Variants in SPTBN4 observed in about 807,000 individuals in gnomAD.
SPTBN4 encodes the protein spectrin beta chain, non-erythrocytic 4.
A neutral mutation model predicts 277.8 loss-of-function variants in SPTBN4; 96 were observed. That is an observed-to-expected ratio of 0.35 (90% CI 0.29 to 0.41). The LOEUF (loss-of-function observed/expected upper bound fraction) is 0.41, where lower values mean the gene tolerates loss of function less well. SPTBN4 is among the 10% of genes least tolerant of loss of function. The probability of loss-of-function intolerance (pLI) is 1.00; values close to 1 mark genes in which losing one functional copy is unlikely to be tolerated. For missense variants in SPTBN4, 3,006 were observed against 3,595.7 expected (o/e 0.84, Z 4.19); for synonymous variants, 1,481 against 1,580.3 (o/e 0.94, Z 1.49).
chr19:40,529,032 C>T lies in SPTBN4; in HGVS notation c.3858-9C>T, dbSNP rs2080629129. 1 of 1,613,410 alleles carries T rather than the reference C, an allele frequency of 6.2e-7. No individual in the cohort carries two copies. The highest frequency in any genetic ancestry group is 8.5e-7 in the Non-Finnish European group (1 of 1,179,510). On this transcript the variant is annotated splice_polypyrimidine_tract_variant and intron_variant, in intron 17 of 35. Transcript: ENST00000598249. ...GGCCTTTCCCCAGCCCTTATCTCCC[C>T]ATCCCCAGGAACCAAGAAAACCAGT...
chr19:40,545,500 G>A (rs992463912), intron 20 of SPTBN4, among the ~76,000 whole-genome samples: 1 of 152,178 alleles, frequency 6.6e-6, no homozygotes, highest in African/African-American at 2.4e-5. Context: ...CTTCTAAAAA[G>A]GCTCTACCAA....
chr19:40,572,243 C>T (rs770889568), intron 34 of SPTBN4, 51 bp downstream of exon 34: 18 of 1,600,004 alleles, frequency 1.1e-5, no homozygotes, highest in Non-Finnish European at 1.5e-5. Context: ...AGCTTCAACT[C>T]CCAGTGGGAC....
rs757992918 is a variant in SPTBN4, at chr19:40,550,275, C to T, written c.4622C>T (p.Thr1541Ile). 6.2e-7 allele frequency: 1 copy of T among 1,613,114 alleles called. No homozygotes were observed. The highest frequency in any genetic ancestry group is 1.1e-5 in the South Asian group (1 of 91,068). Residue 1541 changes from threonine (T) to isoleucine (I), a missense_variant, in exon 22 of 36, where the codon ACA becomes ATA. Transcript: ENST00000598249. ...VQERLPLAMQ[T>I]ERGNGLQAVQ... ...GAGCGGCTGCCACTGGCCATGCAGA[C>T]AGAGCGAGGCAACGGTTTGCAGGCG...
intron 15 of SPTBN4, among the ~76,000 whole-genome samples, chr19:40,518,592 C>A (rs899758949): frequency 6.6e-5 from 10 of 151,908 alleles, no homozygotes; most frequent in Admixed American, 6.6e-4. Flanking sequence ...ACCCCCACGC[C>A]CAGCTAATTT....
chr19:40,570,614 C>T lies in SPTBN4; in HGVS notation c.7205C>T (p.Pro2402Leu), dbSNP rs970550719. The change falls in exon 33 of 36, where the codon CCG becomes CTG. Residue 2402 changes from proline (P) to leucine (L), a missense_variant. By Grantham distance (98) the Pro-to-Leu change is moderately conservative. This residue lies in a region of SPTBN4 where 630 missense variants were observed against 677.6 expected (regional missense o/e 0.93). Transcript: ENST00000598249. ...GGGSRRSRSA[P>L]AQGGSAPAPP... ...GGAAGCCGGCGCTCGCGCTCCGCCC[C>T]GGCCCAGGGCGGCTCCGCCCCCGCG... 15 of 1,420,388 alleles carry T rather than the reference C, an allele frequency of 1.1e-5. No homozygotes were observed. The highest frequency in any genetic ancestry group is 1.4e-5 in the Non-Finnish European group (15 of 1,086,622). The allele number at this position is 1,420,388 out of a possible 1,614,324, so 88.0% of individuals were successfully genotyped here. A position where few individuals can be genotyped will look rare whatever the true frequency, so the allele number is the denominator to read the frequency against.
intron 34 of SPTBN4, 45 bp from the exon 35 acceptor site, chr19:40,572,293 G>A (rs2081162935): frequency 6.2e-7 from 1 of 1,612,200 alleles, no homozygotes; most frequent in Non-Finnish European, 8.5e-7. Flanking sequence ...CAGGTGGGCT[G>A]GGCCCCTTCC....
At chr19:40,495,020 C>T (rs1404255662) in intron 6 of SPTBN4, 43 bp downstream of exon 6, 1 of 1,581,288 alleles carries the variant, frequency 6.3e-7, no homozygotes, top group East Asian at 2.2e-5. Context: ...CCTTCAGCCC[C>T]CCATATCCCT....
chr19:40,492,760 G>A (rs1054055891), intron 4 of SPTBN4, among the ~76,000 whole-genome samples: 5 of 152,042 alleles, frequency 3.3e-5, no homozygotes, highest in South Asian at 4.1e-4. Flanking sequence ...AACAGAGACC[G>A]AAGTCCTAAC....
intron 2 of SPTBN4, among the ~76,000 whole-genome samples, chr19:40,474,113 C>T (rs141799213): frequency 1.7e-4 from 22 of 128,804 alleles, no homozygotes; most frequent in African/African-American, 6.2e-4. Flanking sequence ...GATCGCGCCA[C>T]TGCACTCCAG....
rs1268560569 is a variant in SPTBN4, at chr19:40,513,041, C to T, written c.2252C>T (p.Ala751Val). 3 of 1,421,118 alleles carry T rather than the reference C, an allele frequency of 2.1e-6. No individual in the cohort carries two copies. The South Asian group carries it at 4.3e-5, about 20-fold the overall frequency. 88.0% of individuals were successfully genotyped at this position (1,421,118 alleles called of 1,614,324 possible). A position where few individuals can be genotyped will look rare whatever the true frequency, so the allele number is the denominator to read the frequency against. ...LVGLAERAAS[A>V]RRRWQRLEEA... ...GGCCTGGCGGAGCGCGCGGCGAGCGCCCGGCGCCGCTGGCAGAGGCTGGAA... is the reference window on the plus strand; with the variant it reads ...GGCCTGGCGGAGCGCGCGGCGAGCGTCCGGCGCCGCTGGCAGAGGCTGGAA... Residue 751 changes from alanine (A) to valine (V), a missense_variant, in exon 14 of 36, where the codon GCC becomes GTC. By Grantham distance (64) the Ala-to-Val change is moderately conservative (BLOSUM62 0). This residue lies in a region of SPTBN4 where 1,759 missense variants were observed against 2,061.5 expected (regional missense o/e 0.85). Transcript: ENST00000598249.
Position 40,506,334 on chromosome 19 carries a change from C to T in SPTBN4, c.1764C>T (p.Ser588=), listed in dbSNP as rs541729503. 11 of 1,614,060 alleles carry T rather than the reference C, an allele frequency of 6.8e-6. No homozygotes were observed. The highest frequency in any genetic ancestry group is 5.0e-5 in the Admixed American group (3 of 59,996). The part of the protein sequence containing the change: ...GLLEGDIAAQ[S]ERVEALNAAA... ...TGGAGGGAGACATTGCCGCCCAGAG[C>T]GAGCGGGTGGAGGCTCTCAATGCCG... The change falls in exon 13 of 36, where the codon AGC becomes AGT. Residue 588 remains serine, a synonymous_variant. Coordinates refer to ENST00000598249, the MANE Select transcript of SPTBN4 (RefSeq NM_020971.3).
At chr19:40,539,865 A>G (rs8104188) in intron 20 of SPTBN4, among the ~76,000 whole-genome samples, 1 of 151,812 alleles carries the variant, frequency 6.6e-6, no homozygotes, top group Non-Finnish European at 1.5e-5. Context: ...GACATAATGC[A>G]TTAAGTGGTT....
At position 40,575,753 on chromosome 19, in the gene SPTBN4, C is replaced by T; in HGVS notation, c.*184C>T. On this transcript the variant is annotated 3_prime_UTR_variant, in exon 36 of 36. Transcript: ENST00000598249. ...CAAGAAGTGGTGGGGAGATTGCTGC[C>T]CCTATAGCCATATCTCGGCCCCTTC... 1 of 698,724 alleles carries T rather than the reference C, an allele frequency of 1.4e-6. No homozygotes were observed. The allele number at this position is 698,724 out of a possible 1,614,324, so 43.3% of individuals were successfully genotyped here.
At position 40,568,197 on chromosome 19, in the gene SPTBN4, C is replaced by A. The variant is rs2081116197; in HGVS notation, c.6871C>A (p.Arg2291=). ...CCTGGGCCGCTATGAGCAGATGGAGCGGCGGCGCGAGCGGCGTGAGCGGCG... is the reference window on the plus strand; with the variant it reads ...CCTGGGCCGCTATGAGCAGATGGAGAGGCGGCGCGAGCGGCGTGAGCGGCG... The part of the protein sequence containing the change: ...LTLGRYEQME[R]RRERRERRLE... Residue 2291 remains arginine, a synonymous_variant, in exon 31 of 36, where the codon CGG becomes AGG. Coordinates refer to ENST00000598249, the MANE Select transcript of SPTBN4 (RefSeq NM_020971.3). The A allele has an allele frequency of 1.3e-6, 2 of 1,596,032 alleles. No individual in the cohort carries two copies. The highest frequency in any genetic ancestry group is 1.7e-6 in the Non-Finnish European group (2 of 1,171,818).
intron 20 of SPTBN4, among the ~76,000 whole-genome samples, chr19:40,540,667 C>T (rs1016728314): frequency 7.9e-5 from 12 of 151,680 alleles, no homozygotes; most frequent in Admixed American, 3.9e-4. Context: ...CCAGCCTGGG[C>T]AACATAGCGA....
intron 17 of SPTBN4, among the ~76,000 whole-genome samples, chr19:40,527,190 TGTTTTTCTCTCC>T (rs745361974): frequency 3.3e-5 from 5 of 152,308 alleles, no homozygotes; most frequent in East Asian, 1.9e-4. Context: ...GCTCCCTCTC[TGTTTTTCTCTCC>T]GTTTTTCTCT....
At chr19:40,473,609 G>A (rs551158195) in intron 2 of SPTBN4, among the ~76,000 whole-genome samples, 2 of 151,682 alleles carry the variant, frequency 1.3e-5, no homozygotes, top group African/African-American at 2.4e-5. Context: ...CACATGTCTC[G>A]GCCTCCCAAA....
rs566546505 is a variant in SPTBN4, at chr19:40,569,535, G to A, written c.6957-122G>A. ...AGGCGAGCATCTGAGAGAAACAGCT[G>A]CAGAAGTGGGCAGGGGCCTGGCACT... On this transcript the variant is annotated intron_variant, in intron 31 of 35. Transcript: ENST00000598249. 4.1e-4 allele frequency: 378 copies of A among 922,462 alleles called. 1 individual carries two copies. The highest frequency in any genetic ancestry group is 5.7e-4 in the Non-Finnish European group (346 of 602,388). The allele number at this position is 922,462 out of a possible 1,614,324, so 57.1% of individuals were successfully genotyped here. A position where few individuals can be genotyped will look rare whatever the true frequency, so the allele number is the denominator to read the frequency against.
chr19:40,502,410 T>C lies in SPTBN4; in HGVS notation c.1106T>C (p.Leu369Pro). Reference sequence around the variant, plus strand: ...TTCAGGTTCCAGGAGAAGGGGAACCTAGAGGTGCTGCTCTTCAGCATCCAG... The same window carrying C: ...TTCAGGTTCCAGGAGAAGGGGAACCCAGAGGTGCTGCTCTTCAGCATCCAG... The part of the protein sequence containing the change: ...KPVKFQEKGN[L>P]EVLLFSIQSK... The change falls in exon 10 of 36, where the codon CTA becomes CCA. Residue 369 changes from leucine (L) to proline (P), a missense_variant. This residue lies in a region of SPTBN4 where 1,759 missense variants were observed against 2,061.5 expected (regional missense o/e 0.85). Coordinates refer to ENST00000598249, the MANE Select transcript of SPTBN4 (RefSeq NM_020971.3). The surrounding 1 kb of genome is among the most constrained non-coding windows in gnomAD (Gnocchi z 4.9). 1 of 1,613,058 alleles carries C rather than the reference T, an allele frequency of 6.2e-7. No individual in the cohort carries two copies. The highest frequency in any genetic ancestry group is 1.1e-5 in the South Asian group (1 of 91,054).
Sources: allele counts gnomAD v4.1 joint callset (sites outside exome capture counted in the v4.1 genomes callset), GRCh38; gene constraint gnomAD v4.1.1; regional missense constraint gnomAD v4.1.1; non-coding constraint Gnocchi (gnomAD v3.1); transcripts MANE v1.5; gene names NCBI Gene and HGNC (gene_info 2026-07-23, HGNC 2026-07-21).